ULK4: variants seen among roughly 807,000 people sequenced by gnomAD.
ULK4 encodes unc-51 like kinase 4.
A neutral mutation model predicts 160.6 loss-of-function variants in ULK4; 133 were observed. That is an observed-to-expected ratio of 0.83 (90% confidence interval 0.72 to 0.96). ULK4 has a LOEUF of 0.96. Ranked by LOEUF, ULK4 falls within the 40% of genes least tolerant of loss-of-function variation. ULK4 has a pLI of 0.00. For missense variants in ULK4, 1,580 were observed against 1,499.5 expected (o/e 1.05, Z -0.89); for synonymous variants, 534 against 539.8 (o/e 0.99, Z 0.15).
At chr3:41,495,771 T>C (rs1048758840) in intron 32 of ULK4, among the ~76,000 whole-genome samples, 1 of 150,582 alleles carries the variant, frequency 6.6e-6, no homozygotes. Context: ...GGGCAAAGGA[T>C]ATGAACAGAC....
At chr3:41,255,955 A>G (rs895640508) in intron 35 of ULK4, among the ~76,000 whole-genome samples, 15 of 152,230 alleles carry the variant, frequency 9.9e-5, no homozygotes, top group Admixed American at 8.5e-4. Flanking sequence ...AAAATATACC[A>G]TCTGCTGGGT....
chr3:41,805,615 T>G (rs1337883400), intron 19 of ULK4, among the ~76,000 whole-genome samples: 2 of 151,328 alleles, frequency 1.3e-5, no homozygotes, highest in African/African-American at 4.8e-5. Context: ...ATACTGGCTG[T>G]GGGTTTGTCA....
Position 41,681,605 on chromosome 3 carries a change from G to C in ULK4, c.2881C>G (p.Leu961Val), listed in dbSNP as rs748279470. ...SLRLLSETTS[L>V]LVNQEFGDGK... Reference sequence around the variant, plus strand: ...TCCCCAAACTCCTGGTTCACGAGTAGAGATGTGGTTTCTGAGAGCAACCGC... The same window carrying C: ...TCCCCAAACTCCTGGTTCACGAGTACAGATGTGGTTTCTGAGAGCAACCGC... Residue 961 changes from leucine to valine, a missense_variant, in exon 29 of 37, where the codon CTA becomes GTA. Physicochemically the swap from Leu to Val is conservative, Grantham distance 32. Transcript: ENST00000301831. The C allele has an allele frequency of 3.1e-6, 5 of 1,613,912 alleles. No homozygotes were observed. The highest frequency in any genetic ancestry group is 1.7e-5 in the Admixed American group (1 of 59,986).
intron 25 of ULK4, 102 bp downstream of exon 25, chr3:41,715,135 A>G (rs1216071693): frequency 4.2e-6 from 5 of 1,199,720 alleles, no homozygotes; most frequent in Non-Finnish European, 6.0e-6. Flanking sequence ...ACAAATAAAT[A>G]CCAACAGGAT....
intron 30 of ULK4, among the ~76,000 whole-genome samples, chr3:41,652,310 T>C (rs1041441015): frequency 4.6e-5 from 7 of 151,920 alleles, no homozygotes; most frequent in Non-Finnish European, 1.0e-4. Context: ...TAAAAAAAAA[T>C]AGAATACCTG....
intron 34 of ULK4, among the ~76,000 whole-genome samples, chr3:41,399,455 G>C (rs1441319608): frequency 6.6e-6 from 1 of 151,934 alleles, no homozygotes; most frequent in Non-Finnish European, 1.5e-5. Context: ...GTTGTCTTTT[G>C]ACTTTCTTGA....
chr3:41,573,655 C>G (rs946823475), intron 31 of ULK4, among the ~76,000 whole-genome samples: 1 of 152,110 alleles, frequency 6.6e-6, no homozygotes, highest in Non-Finnish European at 1.5e-5. Flanking sequence ...CACGCAGCAT[C>G]TACAATTTCT....
chr3:41,881,792 T>C (rs1429467774), intron 17 of ULK4, among the ~76,000 whole-genome samples: 1 of 152,172 alleles, frequency 6.6e-6, no homozygotes, highest in Non-Finnish European at 1.5e-5. Context: ...GAATAAAAGA[T>C]ACAAGAACCT....
chr3:41,916,074 A>T (rs1027200961), intron 7 of ULK4, 22 bp from the exon 8 acceptor site: 1 of 1,491,374 alleles, frequency 6.7e-7, no homozygotes. Context: ...TTAATTTCCA[A>T]GAAAAAATGA....
chr3:41,667,550 C>A (rs2035387211), intron 29 of ULK4, among the ~76,000 whole-genome samples: 1 of 152,166 alleles, frequency 6.6e-6, no homozygotes, highest in African/African-American at 2.4e-5. Context: ...TAGTGATGAG[C>A]CCTGACTCTT....
At chr3:41,402,146 T>A (rs111606208) in intron 34 of ULK4, among the ~76,000 whole-genome samples, 1 of 152,212 alleles carries the variant, frequency 6.6e-6, no homozygotes, top group Non-Finnish European at 1.5e-5. Context: ...GTATAACTGA[T>A]ATACAAAAAC....
intron 12 of ULK4, among the ~76,000 whole-genome samples, chr3:41,901,272 C>T (rs1350434335): frequency 2.0e-5 from 3 of 150,002 alleles, no homozygotes; most frequent in Admixed American, 1.3e-4. Context: ...CTCTGCCTCC[C>T]GGGTTCACGC....
intron 17 of ULK4, among the ~76,000 whole-genome samples, chr3:41,858,156 T>TTG (rs1182596806): frequency 5.6e-5 from 8 of 142,842 alleles, no homozygotes; most frequent in Non-Finnish European, 9.1e-5. Context: ...TGTTTTTTTT[T>TTG]TTTTTTTTTT....
intron 31 of ULK4, among the ~76,000 whole-genome samples, chr3:41,592,637 T>C (rs1382412035): frequency 6.6e-6 from 1 of 152,190 alleles, no homozygotes; most frequent in Non-Finnish European, 1.5e-5. Context: ...CAGTTATAAA[T>C]GTATAGAGAA....
At chr3:41,875,577 T>C (rs919637932) in intron 17 of ULK4, among the ~76,000 whole-genome samples, 5 of 152,122 alleles carry the variant, frequency 3.3e-5, no homozygotes, top group African/African-American at 1.2e-4. Context: ...GCTATGATTG[T>C]GCCACTGTAG....
chr3:41,887,838 A>C (rs1361346803), intron 16 of ULK4, among the ~76,000 whole-genome samples: 7 of 151,556 alleles, frequency 4.6e-5, no homozygotes, highest in Admixed American at 2.6e-4. Flanking sequence ...AAAAAAAAGC[A>C]CTTCTATATA....
intron 32 of ULK4, among the ~76,000 whole-genome samples, chr3:41,538,962 T>G (rs2086603441): frequency 6.6e-6 from 1 of 151,782 alleles, no homozygotes; most frequent in African/African-American, 2.4e-5. Flanking sequence ...TTTGTACATA[T>G]TTTATGGTAG....
chr3:41,888,629 G>C (rs1312163574), intron 16 of ULK4, among the ~76,000 whole-genome samples: 1 of 152,154 alleles, frequency 6.6e-6, no homozygotes, highest in East Asian at 1.9e-4. Flanking sequence ...ACCCTTCCTT[G>C]GTACACAGAA....
At chr3:41,805,591 G>T (rs950179213) in intron 19 of ULK4, among the ~76,000 whole-genome samples, 3 of 151,024 alleles carry the variant, frequency 2.0e-5, no homozygotes, top group African/African-American at 7.3e-5. Context: ...TCCAGTTTTT[G>T]CCCATTCAGT....
Sources: gnomAD v4.1 joint callset for allele counts (sites outside exome capture counted in the v4.1 genomes callset) on GRCh38, gnomAD v4.1.1 for gene constraint, MANE v1.5 for transcripts, NCBI Gene and HGNC (gene_info 2026-07-23, HGNC 2026-07-21) for gene names.